The following NIN variants were observed in gnomAD, a reference collection of about 807,000 sequenced individuals.
The protein encoded by NIN is glycogen synthase kinase 3 beta-interacting protein.
Under a neutral mutation model 257.6 loss-of-function variants are expected in NIN, and 137 were observed. The ratio of observed to expected loss-of-function variants is 0.53; its 90% CI spans 0.46 to 0.61. The LOEUF (loss-of-function observed/expected upper bound fraction) is 0.61, where lower values mean the gene tolerates loss of function less well. Ranked by LOEUF, NIN falls within the 20% of genes least tolerant of loss-of-function variation. The pLI, the probability that NIN is intolerant of heterozygous loss-of-function variation, is 0.00. For synonymous variants in NIN, 918 were observed against 919.8 expected, an observed-to-expected ratio of 1.00 and a Z score of 0.04; for missense variants, 2,439 against 2,501.2, an observed-to-expected ratio of 0.98 and a Z score of 0.53.
intron 23 of NIN, 137 bp downstream of exon 23, chr14:50,744,106 T>A: frequency 3.5e-6 from 3 of 855,884 alleles, no homozygotes; most frequent in Non-Finnish European, 5.4e-6. Flanking sequence ...GGTCACAGAA[T>A]GCCAAAGAAA....
intron 5 of NIN, among the ~76,000 whole-genome samples, chr14:50,785,180 T>C (rs2043292350): frequency 6.6e-6 from 1 of 152,240 alleles, no homozygotes; most frequent in Admixed American, 6.5e-5. Flanking sequence ...AATGCTTTCT[T>C]TGGAGGGACA....
At chr14:50,791,806 C>T (rs1043131461) in intron 5 of NIN, among the ~76,000 whole-genome samples, 6 of 112,316 alleles carry the variant, frequency 5.3e-5, no homozygotes, top group Admixed American at 9.5e-5. Context: ...CAGGTGCACG[C>T]GCACACACAC....
At chr14:50,739,812 T>C (rs756402846) in intron 25 of NIN, among the ~76,000 whole-genome samples, 5 of 152,246 alleles carry the variant, frequency 3.3e-5, no homozygotes, top group Non-Finnish European at 7.3e-5. Context: ...ACTGGTGGCT[T>C]AAAAGTTGCT....
intron 27 of NIN, among the ~76,000 whole-genome samples, chr14:50,736,312 T>A (rs968700449): frequency 2.6e-5 from 4 of 151,772 alleles, no homozygotes; most frequent in Admixed American, 6.6e-5. Flanking sequence ...TTTGTATATT[T>A]TTTTTTTTTA....
chr14:50,795,984 C>A (rs2043820574), intron 4 of NIN, among the ~76,000 whole-genome samples: 1 of 152,170 alleles, frequency 6.6e-6, no homozygotes, highest in Non-Finnish European at 1.5e-5. Flanking sequence ...ATCTCAAAAA[C>A]AGAAACGAAA....
chr14:50,748,043 A>G lies in NIN; in HGVS notation c.5013T>C (p.Ile1671=). Residue 1671 remains isoleucine (I), a synonymous_variant, in exon 22 of 31, where the codon ATT becomes ATC. Transcript: ENST00000530997. ...ELSEVKIQTH[I]VQQENHLLKD... ...TGAGAAGGTGGTTTTCCTGTTGCAC[A>G]ATATGGGTCTGTATTTTAACTTCAG... The G allele has an allele frequency of 6.2e-7, 1 of 1,614,112 alleles. No individual in the cohort carries two copies. The highest frequency in any genetic ancestry group is 8.5e-7 in the Non-Finnish European group (1 of 1,179,974).
intron 24 of NIN, 184 bp from the exon 25 acceptor site, chr14:50,741,912 T>C: frequency 1.8e-6 from 1 of 549,888 alleles, no homozygotes; most frequent in Non-Finnish European, 3.2e-6. Flanking sequence ...GGATGTTAAA[T>C]TATATTTAGG....
chr14:50,780,081 C>T (rs1234467459), intron 5 of NIN, among the ~76,000 whole-genome samples: 1 of 152,190 alleles, frequency 6.6e-6, no homozygotes, highest in Non-Finnish European at 1.5e-5. Flanking sequence ...AGCCCTTGCT[C>T]CACTGCCCGG....
chr14:50,730,094 G>C (rs1488376468), intron 28 of NIN, among the ~76,000 whole-genome samples: 1 of 152,014 alleles, frequency 6.6e-6, no homozygotes, highest in Non-Finnish European at 1.5e-5. Context: ...CTATGCTTTA[G>C]GGTTTTACCA....
At chr14:50,752,486 A>C in intron 21 of NIN, 32 bp downstream of exon 21, 3 of 1,516,020 alleles carry the variant, frequency 2.0e-6, no homozygotes, top group Non-Finnish European at 2.7e-6. Flanking sequence ...GGATTTCCTC[A>C]AAAAAAGCTG....
chr14:50,818,093 G>C (rs989338938), intron 3 of NIN, among the ~76,000 whole-genome samples: 1 of 151,630 alleles, frequency 6.6e-6, no homozygotes, highest in Non-Finnish European at 1.5e-5. Context: ...GGAGGCCGAG[G>C]TGGGCGGATC....
chr14:50,733,901 T>C (rs150079518), intron 28 of NIN, among the ~76,000 whole-genome samples: 3 of 152,340 alleles, frequency 2.0e-5, no homozygotes, highest in East Asian at 1.9e-4. Context: ...TCCCCTTTAG[T>C]TGATAAATCA....
At chr14:50,791,927 A>T (rs2043614282) in intron 5 of NIN, 2 of 152,136 alleles carry the variant, frequency 1.3e-5, no homozygotes, top group East Asian at 1.9e-4. Flanking sequence ...AAATATCTGT[A>T]GCCCCAGTCT....
intron 17 of NIN, 86 bp downstream of exon 17, chr14:50,759,771 G>A (rs1014973111): frequency 1.8e-5 from 26 of 1,433,280 alleles, no homozygotes; most frequent in Non-Finnish European, 2.3e-5. Flanking sequence ...TTACAGGCGT[G>A]AGCCACCGCG....
chr14:50,818,417 G>C (rs1004832), intron 3 of NIN, among the ~76,000 whole-genome samples: 13,148 of 151,744 alleles, frequency 0.087, 736 homozygotes, highest in Admixed American at 0.14. Context: ...AGGAGATAGA[G>C]AGGTATGCAG....
At chr14:50,765,460 A>G (rs2042442812) in intron 14 of NIN, among the ~76,000 whole-genome samples, 1 of 152,196 alleles carries the variant, frequency 6.6e-6, no homozygotes, top group African/African-American at 2.4e-5. Context: ...TCATAATATG[A>G]TTGTTTTACT....
rs1260634454 is a variant in NIN, at chr14:50,721,636, C to T, written c.*1827G>A. 1.4e-5 allele frequency: 3 copies of T among 217,490 alleles called. No homozygotes were observed. The highest frequency in any genetic ancestry group is 1.9e-5 in the Non-Finnish European group (2 of 107,902). The allele number at this position is 217,490 out of a possible 1,614,324, so 13.5% of individuals were successfully genotyped here. The stretch of plus-strand genomic sequence containing the variant: ...AATGTCTGCACCACAGAAGAAAGAT[C>T]TAAAGAAGGCATAATAGCAGATGTC... On this transcript the variant is annotated 3_prime_UTR_variant, in exon 31 of 31. Coordinates refer to ENST00000530997, the MANE Select transcript of NIN (RefSeq NM_020921.4).
chr14:50,816,739 T>C lies in NIN; in HGVS notation c.183+5135A>G, dbSNP rs192612356. On this transcript the variant is annotated intron_variant, in intron 3 of 30. Coordinates refer to ENST00000530997, the MANE Select transcript of NIN (RefSeq NM_020921.4). The stretch of plus-strand genomic sequence containing the variant: ...CATAAAAGTATCCGTGAAATAATGA[T>C]GAAATCTAATGAGCATCCCTAATCA... 1.4e-4 allele frequency among the ~76,000 whole-genome samples: 21 copies of C among 152,290 alleles called. No homozygotes were observed. The East Asian group carries it at 4.1e-3, about 29-fold the overall frequency.
intron 4 of NIN, among the ~76,000 whole-genome samples, chr14:50,794,761 TAAAAAAAA>T (rs900112232): frequency 2.4e-5 from 3 of 125,068 alleles, no homozygotes; most frequent in Non-Finnish European, 1.7e-5. Context: ...ATTCAGAGGT[TAAAAAAAA>T]AAAAAAAAAA....
Sources: allele counts gnomAD v4.1 joint callset (sites outside exome capture counted in the v4.1 genomes callset), GRCh38; gene constraint gnomAD v4.1.1; transcripts MANE v1.5; gene names NCBI Gene and HGNC (gene_info 2026-07-23, HGNC 2026-07-21).